The following COL9A1 variants were observed in gnomAD, a reference collection of about 807,000 sequenced individuals.
COL9A1 encodes the protein collagen type IX alpha 1 chain.
COL9A1 carries 104 observed loss-of-function variants against 142.6 expected under a neutral mutation model. That is an observed-to-expected ratio of 0.73 (90% CI 0.62 to 0.86). The LOEUF (loss-of-function observed/expected upper bound fraction) is 0.86, where lower values mean the gene tolerates loss of function less well. COL9A1 is among the 40% of genes least tolerant of loss of function. The probability of loss-of-function intolerance (pLI) is 0.00; values close to 1 mark genes in which losing one functional copy is unlikely to be tolerated. For synonymous variants in COL9A1, 466 were observed against 396.0 expected (o/e 1.18, Z -2.10); for missense variants, 1,210 against 1,176.6 (o/e 1.03, Z -0.42).
chr6:70,220,389 GGTGTGTGTGTGTGTGT>G (rs58525634), intron 37 of COL9A1, among the ~76,000 whole-genome samples: 2 of 148,598 alleles, frequency 1.3e-5, no homozygotes, highest in Non-Finnish European at 3.0e-5. Flanking sequence ...GGTGTGGCAG[GGTGTGTGTGTGTGTGT>G]GTGTGTGTGT....
chr6:70,254,121 T>C (rs974203551), intron 25 of COL9A1, among the ~76,000 whole-genome samples: 3 of 152,192 alleles, frequency 2.0e-5, no homozygotes, highest in Admixed American at 2.0e-4. Context: ...GCACTCTTGT[T>C]GCTTAATCCT....
chr6:70,283,650 C>G (rs1436547692), intron 6 of COL9A1, 87 bp downstream of exon 6: 4 of 948,760 alleles, frequency 4.2e-6, no homozygotes, highest in Non-Finnish European at 6.7e-6. Flanking sequence ...AGGAGGGGTG[C>G]TGGGGAGGTG....
At chr6:70,276,554 A>G (rs1312005243) in intron 10 of COL9A1, among the ~76,000 whole-genome samples, 1 of 152,206 alleles carries the variant, frequency 6.6e-6, no homozygotes. Context: ...AATTATGTCA[A>G]TCACTGGAAA....
intron 4 of COL9A1, among the ~76,000 whole-genome samples, chr6:70,295,502 G>T (rs1773820673): frequency 6.6e-6 from 1 of 151,726 alleles, no homozygotes; most frequent in South Asian, 2.1e-4. Flanking sequence ...CAGTCAGGCT[G>T]GTCTCGAACT....
intron 14 of COL9A1, 45 bp downstream of exon 14, chr6:70,271,610 C>G (rs762597557): frequency 1.9e-6 from 3 of 1,577,428 alleles, no homozygotes; most frequent in South Asian, 2.2e-5. Context: ...ATAACATCTT[C>G]TATTAAATCA....
intron 37 of COL9A1, among the ~76,000 whole-genome samples, chr6:70,220,720 T>C (rs1768830090): frequency 6.6e-6 from 1 of 152,220 alleles, no homozygotes; most frequent in Non-Finnish European, 1.5e-5. Context: ...AGCTGACTCA[T>C]AATAACGGTT....
chr6:70,219,588 G>A (rs1768743207), intron 37 of COL9A1, among the ~76,000 whole-genome samples: 1 of 152,198 alleles, frequency 6.6e-6, no homozygotes, highest in Non-Finnish European at 1.5e-5. Context: ...AAGTACAAAT[G>A]CAATGAAATT....
Position 70,300,327 on chromosome 6 carries a change from C to T in COL9A1, c.148G>A (p.Gly50Ser), listed in dbSNP as rs1390982388. 1 of 1,613,570 alleles carries T rather than the reference C, an allele frequency of 6.2e-7. No individual in the cohort carries two copies. Among genetic ancestry groups the T allele is most frequent in the African/African-American group, 1.3e-5 (1 of 74,940 alleles). The part of the protein sequence containing the change: ...GNELCPKIRI[G>S]QDDLPGFDLI... Reference sequence around the variant, plus strand: ...TACTCACCTGGTAAGTCATCTTGGCCAATCCTGATCTTTGGACAGAGTTCA... The same window carrying T: ...TACTCACCTGGTAAGTCATCTTGGCTAATCCTGATCTTTGGACAGAGTTCA... The change falls in exon 3 of 38, where the codon GGC (glycine) becomes AGC (serine). Residue 50 changes from glycine (G) to serine (S), a missense_variant. Gly to Ser is a moderately conservative substitution (Grantham distance 56). Transcript: ENST00000357250.
chr6:70,253,150 G>T, intron 26 of COL9A1: 1 of 417,096 alleles, frequency 2.4e-6, no homozygotes, highest in Admixed American at 3.8e-5. Flanking sequence ...GTTTTATACT[G>T]GCAAAGGATG....
chr6:70,236,917 G>A (rs1389953045), intron 33 of COL9A1, among the ~76,000 whole-genome samples: 1 of 152,052 alleles, frequency 6.6e-6, no homozygotes, highest in Non-Finnish European at 1.5e-5. Context: ...CACCTCCCAG[G>A]TTCAAGCGAT....
intron 20 of COL9A1, among the ~76,000 whole-genome samples, chr6:70,258,132 A>G (rs1384932048): frequency 1.5e-4 from 23 of 152,224 alleles, no homozygotes. Flanking sequence ...GAGAATCAAA[A>G]TGTGATATTA....
At chr6:70,273,688 A>G (rs897189377) in intron 12 of COL9A1, among the ~76,000 whole-genome samples, 2 of 152,156 alleles carry the variant, frequency 1.3e-5, no homozygotes, top group African/African-American at 4.8e-5. Flanking sequence ...GTGTGACACC[A>G]TGGTCTAAAC....
intron 37 of COL9A1, among the ~76,000 whole-genome samples, chr6:70,219,694 C>T (rs1395811252): frequency 6.6e-6 from 1 of 152,216 alleles, no homozygotes; most frequent in African/African-American, 2.4e-5. Context: ...AGCTCTTCTC[C>T]AGCTAACAGC....
chr6:70,256,823 T>C lies in COL9A1; in HGVS notation c.1450-2A>G, dbSNP rs1156764850. 9 of 1,613,172 alleles carry C rather than the reference T, an allele frequency of 5.6e-6. No homozygotes were observed. The highest frequency in any genetic ancestry group is 6.8e-6 in the Non-Finnish European group (8 of 1,179,698). ...TTCACCATCTAAGCCCCGAGCACCC[T>C]GCAAAAAAACAAGACAATGGAAAAA... On this transcript the variant is annotated splice_acceptor_variant, in intron 20 of 37. Coordinates refer to ENST00000357250, the MANE Select transcript of COL9A1 (RefSeq NM_001851.6). LOFTEE classifies it high-confidence loss of function.
At chr6:70,221,811 G>A (rs908573002) in intron 37 of COL9A1, among the ~76,000 whole-genome samples, 1 of 152,134 alleles carries the variant, frequency 6.6e-6, no homozygotes, top group Non-Finnish European at 1.5e-5. Flanking sequence ...TAGTCCCAAT[G>A]GGCAAGTTTG....
chr6:70,282,535 C>T (rs1773227846), intron 7 of COL9A1, among the ~76,000 whole-genome samples: 1 of 143,542 alleles, frequency 7.0e-6, no homozygotes. Flanking sequence ...CCGCCTTTTC[C>T]AGCAAGGCCT....
At chr6:70,259,993 C>G (rs1475211874) in intron 20 of COL9A1, among the ~76,000 whole-genome samples, 1 of 152,042 alleles carries the variant, frequency 6.6e-6, no homozygotes, top group Non-Finnish European at 1.5e-5. Context: ...CTTGGCTTAC[C>G]TCTCCTTTTC....
At chr6:70,241,605 C>A in intron 30 of COL9A1, 151 bp from the exon 31 acceptor site, 1 of 724,224 alleles carries the variant, frequency 1.4e-6, no homozygotes, top group Admixed American at 2.3e-5. Context: ...AGAATCAGGA[C>A]CAAAACATAA....
chr6:70,252,360 G>C, intron 26 of COL9A1, 45 bp from the exon 27 acceptor site: 1 of 1,557,192 alleles, frequency 6.4e-7, no homozygotes, highest in Non-Finnish European at 8.9e-7. Flanking sequence ...GCTGAAGTAA[G>C]CATAATCATC....
Sources: allele counts gnomAD v4.1 joint callset (sites outside exome capture counted in the v4.1 genomes callset), GRCh38; gene constraint gnomAD v4.1.1; transcripts MANE v1.5; gene names NCBI Gene and HGNC (gene_info 2026-07-23, HGNC 2026-07-21).